FLT3: variants seen among roughly 807,000 people sequenced by gnomAD.
FLT3 encodes the protein receptor-type tyrosine-protein kinase FLT3.
FLT3 carries 46 observed loss-of-function variants against 126.6 expected under a neutral mutation model. The observed-to-expected ratio is 0.36, with a 90% CI of 0.29 to 0.46. FLT3 has a LOEUF of 0.46. Among genes scored for constraint, FLT3 ranks in the 20% least tolerant of loss-of-function variants. FLT3 has a pLI of 1.00. For synonymous variants in FLT3, 404 were observed against 434.4 expected, an observed-to-expected ratio of 0.93 and a Z score of 0.87; for missense variants, 1,069 against 1,190.3, an observed-to-expected ratio of 0.90 and a Z score of 1.50.
intron 2 of FLT3, among the ~76,000 whole-genome samples, chr13:28,066,599 T>C (rs1248544524): frequency 6.6e-6 from 1 of 152,194 alleles, no homozygotes; most frequent in Non-Finnish European, 1.5e-5. Flanking sequence ...AAATAATGAT[T>C]GTATTGGGTT....
At chr13:28,070,990 C>T (rs1170218513) in intron 1 of FLT3, among the ~76,000 whole-genome samples, 4 of 76,834 alleles carry the variant, frequency 5.2e-5, no homozygotes, top group Admixed American at 1.9e-4. Flanking sequence ...TAGATTTCTA[C>T]CTTTTTTTTT....
At chr13:28,031,159 C>A (rs916119865) in intron 15 of FLT3, among the ~76,000 whole-genome samples, 1 of 150,160 alleles carries the variant, frequency 6.7e-6, no homozygotes, top group Non-Finnish European at 1.5e-5. Context: ...ACCCAGGAGG[C>A]GGAGCTTACA....
At chr13:28,092,557 C>T (rs1838143049) in intron 1 of FLT3, among the ~76,000 whole-genome samples, 1 of 151,932 alleles carries the variant, frequency 6.6e-6, no homozygotes, top group South Asian at 2.1e-4. Flanking sequence ...TGATAATTCT[C>T]AAAGCAATTC....
intron 15 of FLT3, among the ~76,000 whole-genome samples, chr13:28,030,357 T>C (rs1231981872): frequency 6.6e-6 from 1 of 152,260 alleles, no homozygotes; most frequent in Non-Finnish European, 1.5e-5. Context: ...TTTTTTAGCA[T>C]GCTTAGCTTC....
At chr13:28,081,872 T>G (rs1468263434) in intron 1 of FLT3, among the ~76,000 whole-genome samples, 1 of 118,606 alleles carries the variant, frequency 8.4e-6, no homozygotes, top group African/African-American at 2.8e-5. Context: ...TTTTTTTTTT[T>G]GTGAGACACA....
At chr13:28,047,653 A>G (rs113003217) in intron 9 of FLT3, among the ~76,000 whole-genome samples, 6,402 of 150,294 alleles carry the variant, frequency 0.043, 442 homozygotes, top group African/African-American at 0.15. Flanking sequence ...TGGAGGTTGC[A>G]GTGAGCCAAT....
chr13:28,043,340 T>C (rs1182331687), intron 9 of FLT3, among the ~76,000 whole-genome samples: 1 of 152,182 alleles, frequency 6.6e-6, no homozygotes. Flanking sequence ...TAGAAAGTTA[T>C]AATTTAATAA....
chr13:28,091,341 C>T (rs542729381), intron 1 of FLT3, among the ~76,000 whole-genome samples: 1 of 147,842 alleles, frequency 6.8e-6, no homozygotes, highest in South Asian at 2.2e-4. Flanking sequence ...CCTGCCTCAG[C>T]CTCCCGAGTA....
chr13:28,017,437 G>A (rs527840582), intron 20 of FLT3, among the ~76,000 whole-genome samples: 2 of 152,124 alleles, frequency 1.3e-5, no homozygotes, highest in East Asian at 3.9e-4. Flanking sequence ...ATGTTCCATA[G>A]GCTGGTCTTG....
chr13:28,059,293 C>T (rs967728629), intron 3 of FLT3, among the ~76,000 whole-genome samples: 3 of 152,092 alleles, frequency 2.0e-5, no homozygotes, highest in African/African-American at 4.8e-5. Context: ...TCCTGGAAAG[C>T]GCGTGCCTTC....
chr13:28,058,791 T>C (rs1876267335), intron 3 of FLT3, among the ~76,000 whole-genome samples: 1 of 152,240 alleles, frequency 6.6e-6, no homozygotes, highest in South Asian at 2.1e-4. Context: ...CACAGTCAAT[T>C]AGCAGGATAT....
chr13:28,085,323 A>C (rs1359470194), intron 1 of FLT3, among the ~76,000 whole-genome samples: 1 of 130,476 alleles, frequency 7.7e-6, no homozygotes, highest in Non-Finnish European at 1.5e-5. Context: ...CAGCCTGGGC[A>C]ACAGAGCCAG....
intron 2 of FLT3, among the ~76,000 whole-genome samples, chr13:28,068,938 A>C (rs1219612932): frequency 1.3e-5 from 2 of 152,154 alleles, no homozygotes; most frequent in Non-Finnish European, 2.9e-5. Context: ...TACTAAATAT[A>C]TGTTTTTAAA....
intron 1 of FLT3, among the ~76,000 whole-genome samples, chr13:28,098,293 T>A (rs1211231885): frequency 2.3e-5 from 3 of 129,802 alleles, no homozygotes; most frequent in African/African-American, 9.2e-5. Context: ...CCAGCCTGGG[T>A]GACAGAGCAA....
chr13:28,049,466 T>G lies in FLT3; in HGVS notation c.954A>C (p.Ser318=), dbSNP rs1333638816. ...ATCCGGTGTCGTTTCTTGCCACTGA[T>G]GATACAAAAGCAAACAGAATCCGTA... ...TMIRILFAFV[S]SVARNDTGYY... Residue 318 remains serine (S), a synonymous_variant, in exon 8 of 24, where the codon TCA becomes TCC. Coordinates refer to ENST00000241453, the MANE Select transcript of FLT3 (RefSeq NM_004119.3). 6.2e-7 allele frequency: 1 copy of G among 1,613,252 alleles called. No individual in the cohort carries two copies. Among genetic ancestry groups the G allele is most frequent in the Non-Finnish European group, 8.5e-7 (1 of 1,179,664 alleles).
chr13:28,015,979 G>A (rs1257314887), intron 20 of FLT3, among the ~76,000 whole-genome samples: 1 of 152,176 alleles, frequency 6.6e-6, no homozygotes, highest in Non-Finnish European at 1.5e-5. Context: ...CTGGAAAGAG[G>A]TACTTTCCAT....
chr13:28,039,295 A>G (rs7339100), intron 9 of FLT3, among the ~76,000 whole-genome samples: 122,022 of 151,674 alleles, frequency 0.8, 49,144 homozygotes, highest in East Asian at 0.87. Context: ...TCTGCCTCCC[A>G]GGTTCAAGCG....
Position 28,014,553 on chromosome 13 carries a change from T to G in FLT3, c.2758A>C (p.Ile920Leu). ...AAAGCCCAGCAGGATTGCATTATAA[T>G]GTATCTGTAAAAGCAATAGAACAAG... ...QPFYATEEIY[I>L]IMQSCWAFDS... is the part of the protein sequence containing the mutation. The change falls in exon 23 of 24, where the codon ATT (isoleucine) becomes CTT (leucine). Residue 920 changes from isoleucine (I) to leucine (L), a missense_variant. Coordinates refer to ENST00000241453, the MANE Select transcript of FLT3 (RefSeq NM_004119.3). The G allele has an allele frequency of 6.2e-7, 1 of 1,608,702 alleles. No homozygotes were observed. The highest frequency in any genetic ancestry group is 1.1e-5 in the South Asian group (1 of 90,930).
chr13:28,080,009 A>G (rs1878214180), intron 1 of FLT3, among the ~76,000 whole-genome samples: 1 of 152,202 alleles, frequency 6.6e-6, no homozygotes. Context: ...TCATTCCCAC[A>G]GGATGACATC....
Sources: gnomAD v4.1 joint callset for allele counts (sites outside exome capture counted in the v4.1 genomes callset) on GRCh38, gnomAD v4.1.1 for gene constraint, MANE v1.5 for transcripts, NCBI Gene and HGNC (gene_info 2026-07-23, HGNC 2026-07-21) for gene names.